Variants in BAG1 observed in about 807,000 individuals in gnomAD.
BAG1 encodes the protein BAG cochaperone 1.
BAG1 carries 35 observed loss-of-function variants against 35.5 expected under a neutral mutation model. The ratio of observed to expected loss-of-function variants is 0.99; its 90% CI spans 0.75 to 1.31. The LOEUF (loss-of-function observed/expected upper bound fraction) is 1.31, where lower values mean the gene tolerates loss of function less well. Among genes scored for constraint, BAG1 ranks in the 50% most tolerant of loss-of-function variants. BAG1 has a pLI of 0.00. For missense variants in BAG1, 464 were observed against 453.6 expected, an observed-to-expected ratio of 1.02 and a Z score of -0.21; for synonymous variants, 191 against 178.9, an observed-to-expected ratio of 1.07 and a Z score of -0.54.
rs970845925 is a variant in BAG1, at chr9:33,253,013, A to T, written c.*2206T>A. 1 of 152,226 alleles carries T rather than the reference A, an allele frequency of 6.6e-6. No individual in the cohort carries two copies. The highest frequency in any genetic ancestry group is 2.4e-5 in the African/African-American group (1 of 41,432). 9.4% of individuals were successfully genotyped at this position (152,226 alleles called of 1,614,324 possible). On this transcript the variant is annotated 3_prime_UTR_variant, in exon 7 of 7. Transcript: ENST00000634734. ...GCCAACAAATGAGGGGGTTGAGATG[A>T]GATGGGAGAAGGCATGGGGTAAAGA... is the stretch of plus-strand genomic sequence containing the variant.
At position 33,256,044 on chromosome 9, in the gene BAG1, A is replaced by T. The variant is rs1820446464; in HGVS notation, c.886-117T>A. ...ACACCCACAGTACACAAAACAGGTC[A>T]CAGGTCACCAATGTAAATGTGATAT... On this transcript the variant is annotated intron_variant, in intron 5 of 6. Coordinates refer to ENST00000634734, the MANE Select transcript of BAG1 (RefSeq NM_004323.6). The T allele has an allele frequency of 5.6e-6, 5 of 899,938 alleles. No homozygotes were observed. In the South Asian group the frequency reaches 7.0e-5, roughly 13 times the overall value. 55.7% of individuals were successfully genotyped at this position (899,938 alleles called of 1,614,324 possible).
rs749191502 is a variant in BAG1, at chr9:33,255,144, G to C, written c.*75C>G. 9 of 1,613,894 alleles carry C rather than the reference G, an allele frequency of 5.6e-6. No homozygotes were observed. The Admixed American group carries it at 1.5e-4, about 27-fold the overall frequency. On this transcript the variant is annotated 3_prime_UTR_variant, in exon 7 of 7. Transcript: ENST00000634734. ...GCCCCCAGCAGCCCTGAAGAAATCA[G>C]GTAAATTCCGCTCCAGAGACGGCAG...
At chr9:33,258,649 A>G (rs1820506985) in intron 4 of BAG1, among the ~76,000 whole-genome samples, 1 of 152,236 alleles carries the variant, frequency 6.6e-6, no homozygotes, top group Non-Finnish European at 1.5e-5. Flanking sequence ...AATAACTATG[A>G]CAATAAATGC....
At position 33,262,052 on chromosome 9, in the gene BAG1, T is replaced by C. The variant is rs972662253; in HGVS notation, c.580+650A>G. 4.9e-6 allele frequency: 6 copies of C among 1,232,858 alleles called. No individual in the cohort carries two copies. In the African/African-American group the frequency reaches 9.4e-5, roughly 19 times the overall value. The allele number at this position is 1,232,858 out of a possible 1,614,324, so 76.4% of individuals were successfully genotyped here. A position where few individuals can be genotyped will look rare whatever the true frequency, so the allele number is the denominator to read the frequency against. On this transcript the variant is annotated intron_variant, in intron 2 of 6. Transcript: ENST00000634734. The stretch of plus-strand genomic sequence containing the variant: ...TTTAATAGTAATTTCATAGAAGTGA[T>C]GCAAAAATAGCAGGGAGTACCATGG...
In BAG1 at chr9:33,252,840, G is replaced by A. The variant is rs1359963268; in HGVS notation, c.*2379C>T. The A allele has an allele frequency of 6.6e-6, 1 of 152,048 alleles. No homozygotes were observed. Among genetic ancestry groups the A allele is most frequent in the Non-Finnish European group, 1.5e-5 (1 of 68,044 alleles). The allele number at this position is 152,048 out of a possible 1,614,324, so 9.4% of individuals were successfully genotyped here. A position where few individuals can be genotyped will look rare whatever the true frequency, so the allele number is the denominator to read the frequency against. On this transcript the variant is annotated 3_prime_UTR_variant, in exon 7 of 7. Coordinates refer to ENST00000634734, the MANE Select transcript of BAG1 (RefSeq NM_004323.6). ...ACATGTGAGTTGAATTCTGAAGGAT[G>A]AACAAAAGTCACCTATACAAGGGTA...
chr9:33,253,801 G>C lies in BAG1; in HGVS notation c.*1418C>G, dbSNP rs924773524. The C allele has an allele frequency of 6.9e-6, 1 of 144,856 alleles. No homozygotes were observed. Among genetic ancestry groups the C allele is most frequent in the Admixed American group, 6.8e-5 (1 of 14,622 alleles). 9.0% of individuals were successfully genotyped at this position (144,856 alleles called of 1,614,324 possible). A position where few individuals can be genotyped will look rare whatever the true frequency, so the allele number is the denominator to read the frequency against. ...AAAGCAAACCACTCTTCTACTTTAT[G>C]ATGAGCACATAAACAGTTTTTTTTT... On this transcript the variant is annotated 3_prime_UTR_variant, in exon 7 of 7. Transcript: ENST00000634734.
chr9:33,264,378 G>T lies in BAG1; in HGVS notation c.297C>A (p.Thr99=). ...CACTCTGGGTCGCCTCTTCACTCCA[G>T]GTCGCTTCCTCACTCAGGGTCAACT... Residue 99 remains threonine, a synonymous_variant, in exon 1 of 7, where the codon ACC becomes ACA. Coordinates refer to ENST00000634734, the MANE Select transcript of BAG1 (RefSeq NM_004323.6). 6.2e-7 allele frequency: 1 copy of T among 1,611,132 alleles called. No individual in the cohort carries two copies. Among genetic ancestry groups the T allele is most frequent in the South Asian group, 1.1e-5 (1 of 90,844 alleles).
chr9:33,256,614 C>T (rs1820458389), intron 5 of BAG1, among the ~76,000 whole-genome samples, 187 bp downstream of exon 5: 1 of 152,208 alleles, frequency 6.6e-6, no homozygotes, highest in Non-Finnish European at 1.5e-5. Flanking sequence ...GCCTAGAAAG[C>T]AGGAACTGTC....
chr9:33,264,696 A>G lies in BAG1; in HGVS notation c.-22T>C, dbSNP rs941816138. On this transcript the variant is annotated 5_prime_UTR_variant, in exon 1 of 7. Transcript: ENST00000634734. The stretch of plus-strand genomic sequence containing the variant: ...CCAGGCCCGCACTTGTTGACCGCCC[A>G]GCGATGGAAGCTGAGCGCGGCGTCT... 1.2e-5 allele frequency: 16 copies of G among 1,357,986 alleles called. No homozygotes were observed. In the African/African-American group the frequency reaches 2.3e-4, roughly 19 times the overall value. 84.1% of individuals were successfully genotyped at this position (1,357,986 alleles called of 1,614,324 possible).
At position 33,258,995 on chromosome 9, in the gene BAG1, T is replaced by C. The variant is rs945754882; in HGVS notation, c.702A>G (p.Lys234=). The change falls in exon 4 of 7, where the codon AAA becomes AAG. Residue 234 remains lysine (K), a synonymous_variant. Coordinates refer to ENST00000634734, the MANE Select transcript of BAG1 (RefSeq NM_004323.6). ...TCTTCTCCACAGACTTCTCCAAATGTTTCAACTTCTTTAGTTCAACCTCTT... is the reference window on the plus strand; with the variant it reads ...TCTTCTCCACAGACTTCTCCAAATGCTTCAACTTCTTTAGTTCAACCTCTT... 8.1e-6 allele frequency: 13 copies of C among 1,614,026 alleles called. No homozygotes were observed. The African/African-American group carries it at 1.6e-4, about 20-fold the overall frequency.
At chr9:33,256,694 A>C in intron 5 of BAG1, 107 bp downstream of exon 5, 1 of 888,352 alleles carries the variant, frequency 1.1e-6, no homozygotes, top group Non-Finnish European at 1.8e-6. Context: ...TAATATTCTC[A>C]AGTGATGGGT....
At chr9:33,263,520 C>CA (rs1166249078) in intron 1 of BAG1, among the ~76,000 whole-genome samples, 1 of 152,176 alleles carries the variant, frequency 6.6e-6, no homozygotes, top group Non-Finnish European at 1.5e-5. Flanking sequence ...TTGGTTCCCC[C>CA]AACAGCTCCG....
In BAG1 at chr9:33,259,184, AAC is replaced by A. The variant is rs1454308718; in HGVS notation, c.664-153_664-152del. 3.0e-5 allele frequency: 16 copies of A among 541,302 alleles called. 1 individual carries two copies. The highest frequency in any genetic ancestry group is 4.6e-5 in the Non-Finnish European group (14 of 307,632). 33.5% of individuals were successfully genotyped at this position (541,302 alleles called of 1,614,324 possible). A position where few individuals can be genotyped will look rare whatever the true frequency, so the allele number is the denominator to read the frequency against. On this transcript the variant is annotated intron_variant, in intron 3 of 6. Coordinates refer to ENST00000634734, the MANE Select transcript of BAG1 (RefSeq NM_004323.6). The stretch of plus-strand genomic sequence containing the variant: ...AAGACCAGCCTGGCCAACATGGTGA[AAC>A]ACTGTCTCTACTAAAAAAACAAAAA...
rs1045442899 is a variant in BAG1, at chr9:33,253,678, G to A, written c.*1541C>T. 4 of 148,318 alleles carry A rather than the reference G, an allele frequency of 2.7e-5. No homozygotes were observed. The highest frequency in any genetic ancestry group is 1.0e-4 in the African/African-American group (4 of 39,954). The allele number at this position is 148,318 out of a possible 1,614,324, so 9.2% of individuals were successfully genotyped here. A position where few individuals can be genotyped will look rare whatever the true frequency, so the allele number is the denominator to read the frequency against. On this transcript the variant is annotated 3_prime_UTR_variant, in exon 7 of 7. Transcript: ENST00000634734. ...TCTGCCAAATGATGTGAGTCTTTAG[G>A]TAGAGTTATAGCGCAAAGGGCTACT...
In BAG1 at chr9:33,255,919, T is replaced by C. The variant is rs752765435; in HGVS notation, c.894A>G (p.Pro298=). Residue 298 remains proline, a synonymous_variant, in exon 6 of 7, where the codon CCA becomes CCG. Coordinates refer to ENST00000634734, the MANE Select transcript of BAG1 (RefSeq NM_004323.6). Reference sequence around the variant, plus strand: ...TCAATCTACTGTCTTTGAAATTTTCTGGCAGGATCTATGGAAGAGTAAGTT... The same window carrying C: ...TCAATCTACTGTCTTTGAAATTTTCCGGCAGGATCTATGGAAGAGTAAGTT... The C allele has an allele frequency of 7.4e-6, 12 of 1,613,604 alleles. No individual in the cohort carries two copies. In the South Asian group the frequency reaches 1.2e-4, roughly 16 times the overall value.
At chr9:33,262,655 C>T in intron 2 of BAG1, 47 bp downstream of exon 2, 1 of 1,480,624 alleles carries the variant, frequency 6.8e-7, no homozygotes, top group Non-Finnish European at 9.1e-7. Context: ...GAAACTTCGT[C>T]TCAAAAAAAA....
At position 33,262,761 on chromosome 9, in the gene BAG1, G is replaced by A. The variant is rs767626168; in HGVS notation, c.521C>T (p.Ala174Val). Residue 174 changes from alanine (A) to valine (V), a missense_variant, in exon 2 of 7, where the codon GCC becomes GTC. Physicochemically the swap from Ala to Val is moderately conservative, Grantham distance 64 (BLOSUM62 0). Coordinates refer to ENST00000634734, the MANE Select transcript of BAG1 (RefSeq NM_004323.6). ...CCCTATGACCTCTTCAACAACCTGGGCCAGGTCTTGGACAACTGGTTCACT... is the reference window on the plus strand; with the variant it reads ...CCCTATGACCTCTTCAACAACCTGGACCAGGTCTTGGACAACTGGTTCACT... 1.2e-6 allele frequency: 2 copies of A among 1,614,168 alleles called. No homozygotes were observed. The highest frequency in any genetic ancestry group is 1.7e-6 in the Non-Finnish European group (2 of 1,180,014).
At chr9:33,259,168 C>A (rs773199889) in intron 3 of BAG1, 135 bp from the exon 4 acceptor site, 2 of 609,782 alleles carry the variant, frequency 3.3e-6, no homozygotes, top group African/African-American at 1.9e-5. Context: ...CAAGACCAGC[C>A]TGGCCAACAT....
intron 2 of BAG1, among the ~76,000 whole-genome samples, chr9:33,261,632 T>C (rs1176870235): frequency 6.6e-6 from 1 of 152,214 alleles, no homozygotes; most frequent in African/African-American, 2.4e-5. Flanking sequence ...GAAACATGAA[T>C]TTCTATTGTC....
Sources: gnomAD v4.1 joint callset for allele counts (sites outside exome capture counted in the v4.1 genomes callset) on GRCh38, gnomAD v4.1.1 for gene constraint, MANE v1.5 for transcripts, NCBI Gene and HGNC (gene_info 2026-07-23, HGNC 2026-07-21) for gene names.